The following ANKS1B variants were observed in gnomAD, a reference collection of about 807,000 sequenced individuals.
The protein encoded by ANKS1B is ankyrin repeat and sterile alpha motif domain-containing protein 1B.
Under a neutral mutation model 148.3 loss-of-function variants are expected in ANKS1B, and 36 were observed. That is an observed-to-expected ratio of 0.24 (90% confidence interval 0.19 to 0.32). The LOEUF is 0.32. Among genes scored for constraint, ANKS1B ranks in the 10% least tolerant of loss-of-function variants. The probability of loss-of-function intolerance (pLI) is 1.00; values close to 1 mark genes in which losing one functional copy is unlikely to be tolerated. For missense variants in ANKS1B, 1,157 were observed against 1,542.6 expected (o/e 0.75, Z 4.19); for synonymous variants, 542 against 560.8 (o/e 0.97, Z 0.47).
intron 25 of ANKS1B, among the ~76,000 whole-genome samples, chr12:98,765,328 C>T (rs547754825): frequency 1.3e-5 from 2 of 150,462 alleles, no homozygotes; most frequent in Admixed American, 6.6e-5. Flanking sequence ...GCAGTGGCAC[C>T]ATCTTGGCTC....
chr12:99,474,941 A>G (rs1052104146), intron 10 of ANKS1B, among the ~76,000 whole-genome samples: 1 of 152,072 alleles, frequency 6.6e-6, no homozygotes, highest in African/African-American at 2.4e-5. Context: ...AAGCCTCTAT[A>G]AAACTCAAAA....
At chr12:99,939,569 T>G (rs569263787) in intron 1 of ANKS1B, among the ~76,000 whole-genome samples, 8 of 152,170 alleles carry the variant, frequency 5.3e-5, no homozygotes, top group Non-Finnish European at 7.4e-5. Context: ...AGAAGTCTCA[T>G]CATCACAGGC....
chr12:99,147,830 G>C (rs1453808434), intron 15 of ANKS1B, among the ~76,000 whole-genome samples: 3 of 152,038 alleles, frequency 2.0e-5, no homozygotes, highest in African/African-American at 7.2e-5. Flanking sequence ...TACTGTCATG[G>C]AACACAAACG....
At chr12:99,583,960 G>A (rs2153230275) in intron 9 of ANKS1B, among the ~76,000 whole-genome samples, 1 of 152,270 alleles carries the variant, frequency 6.6e-6, no homozygotes, top group South Asian at 2.1e-4. Flanking sequence ...GTTAGAGTTG[G>A]CCTCTTGAGG....
intron 14 of ANKS1B, among the ~76,000 whole-genome samples, chr12:99,203,518 T>C (rs2082305563): frequency 6.6e-6 from 1 of 151,892 alleles, no homozygotes; most frequent in Non-Finnish European, 1.5e-5. Flanking sequence ...TGGTGTGATC[T>C]TGGCTCACTG....
chr12:99,303,848 TA>T (rs1381885807), intron 12 of ANKS1B, among the ~76,000 whole-genome samples: 1 of 152,130 alleles, frequency 6.6e-6, no homozygotes, highest in African/African-American at 2.4e-5. Flanking sequence ...CTTCATAGCT[TA>T]GCTCCCACAT....
intron 15 of ANKS1B, among the ~76,000 whole-genome samples, chr12:99,106,487 A>G (rs533622776): frequency 6.6e-6 from 1 of 152,374 alleles, no homozygotes; most frequent in African/African-American, 2.4e-5. Context: ...AAGAGTGCTA[A>G]GCTTATATAC....
At position 98,744,590 on chromosome 12, in the gene ANKS1B, G is replaced by T. The variant is rs375710980; in HGVS notation, c.*1149C>A. ...CATTAAAAAATTAAAATACCTTAAA[G>T]AAATGTAAGTAAATTTTATTTAATC... is the stretch of plus-strand genomic sequence containing the variant. On this transcript the variant is annotated 3_prime_UTR_variant, in exon 27 of 27. Transcript: ENST00000683438. 18 of 704,632 alleles carry T rather than the reference G, an allele frequency of 2.6e-5. No homozygotes were observed. In the South Asian group the frequency reaches 1.1e-3, roughly 44 times the overall value. 43.6% of individuals were successfully genotyped at this position (704,632 alleles called of 1,614,324 possible).
intron 9 of ANKS1B, among the ~76,000 whole-genome samples, chr12:99,645,908 T>C (rs962051233): frequency 6.6e-6 from 1 of 152,000 alleles, no homozygotes; most frequent in South Asian, 2.1e-4. Context: ...CAAACATCTA[T>C]AGGCTCTATA....
intron 11 of ANKS1B, among the ~76,000 whole-genome samples, chr12:99,401,350 T>C (rs879695181): frequency 4.8e-5 from 7 of 146,358 alleles, no homozygotes; most frequent in Non-Finnish European, 9.1e-5. Context: ...ATGGAGCCCA[T>C]CATTCTAGGC....
chr12:98,882,929 T>C (rs1014272794), intron 17 of ANKS1B, among the ~76,000 whole-genome samples: 12 of 152,184 alleles, frequency 7.9e-5, no homozygotes, highest in Non-Finnish European at 1.3e-4. Flanking sequence ...AAGATTTAAA[T>C]CTATTATTTC....
At chr12:99,186,655 G>A (rs1305174243) in intron 14 of ANKS1B, among the ~76,000 whole-genome samples, 1 of 152,176 alleles carries the variant, frequency 6.6e-6, no homozygotes, top group African/African-American at 2.4e-5. Flanking sequence ...GGGCCTGACT[G>A]TTAGAAGGAA....
chr12:98,927,537 T>C (rs2099809817), intron 17 of ANKS1B, among the ~76,000 whole-genome samples: 1 of 152,106 alleles, frequency 6.6e-6, no homozygotes, highest in South Asian at 2.1e-4. Flanking sequence ...GATAGGCTTA[T>C]AATTTATAAA....
At position 99,528,426 on chromosome 12, in the gene ANKS1B, C is replaced by CA. The variant is rs755022528; in HGVS notation, c.1273-23786dup. Among the ~76,000 whole-genome samples the CA allele has an allele frequency of 1.0e-4, 12 of 117,040 alleles. No homozygotes were observed. In the East Asian group the frequency reaches 1.4e-3, roughly 14 times the overall value. 76.8% of individuals were successfully genotyped at this position (117,040 alleles called of 152,430 possible). On this transcript the variant is annotated intron_variant, in intron 9 of 26. Transcript: ENST00000683438. Reference sequence around the variant, plus strand: ...GCACAGCCAAAAAACAGAACAAAAACAAAAACAAAAAAAAAAACAAAAAAA... The same window carrying CA: ...GCACAGCCAAAAAACAGAACAAAAACAAAAAACAAAAAAAAAAACAAAAAAA...
At position 99,149,457 on chromosome 12, in the gene ANKS1B, G is replaced by T. The variant is rs918418001; in HGVS notation, c.2526+4832C>A. Among the ~76,000 whole-genome samples the T allele has an allele frequency of 9.9e-5, 15 of 152,136 alleles. No individual in the cohort carries two copies. The East Asian group carries it at 2.7e-3, about 27-fold the overall frequency. On this transcript the variant is annotated intron_variant, in intron 15 of 26. Coordinates refer to ENST00000683438, the MANE Select transcript of ANKS1B (RefSeq NM_001352186.2). ...CAAGTGTATGAAAATGCCAATTCATGTAGGGCTATCAGTATTATTGTTATT... is the reference window on the plus strand; with the variant it reads ...CAAGTGTATGAAAATGCCAATTCATTTAGGGCTATCAGTATTATTGTTATT...
chr12:99,364,024 G>A (rs1206840802), intron 12 of ANKS1B, among the ~76,000 whole-genome samples: 2 of 152,056 alleles, frequency 1.3e-5, no homozygotes, highest in Non-Finnish European at 2.9e-5. Context: ...AGCTTTGGAG[G>A]TCTTAAATGA....
intron 8 of ANKS1B, among the ~76,000 whole-genome samples, chr12:99,733,315 G>A (rs1004544371): frequency 9.2e-5 from 14 of 152,308 alleles, no homozygotes; most frequent in African/African-American, 2.6e-4. Context: ...GGATCAAAGC[G>A]TGAAGCTTAA....
At chr12:99,007,975 C>G (rs1156613928) in intron 17 of ANKS1B, among the ~76,000 whole-genome samples, 1 of 151,818 alleles carries the variant, frequency 6.6e-6, no homozygotes, top group Non-Finnish European at 1.5e-5. Flanking sequence ...TCCAAGCCCC[C>G]CCACCCTCTA....
At chr12:99,384,220 T>C (rs549794156) in intron 12 of ANKS1B, among the ~76,000 whole-genome samples, 8 of 152,192 alleles carry the variant, frequency 5.3e-5, no homozygotes, top group Non-Finnish European at 1.2e-4. Flanking sequence ...CTGGAATCCT[T>C]GTTACAGTAT....
Sources: gnomAD v4.1 joint callset for allele counts (sites outside exome capture counted in the v4.1 genomes callset) on GRCh38, gnomAD v4.1.1 for gene constraint, MANE v1.5 for transcripts, NCBI Gene and HGNC (gene_info 2026-07-23, HGNC 2026-07-21) for gene names.